The following NLGN1 variants were observed in gnomAD, a reference collection of about 807,000 sequenced individuals.
The protein encoded by NLGN1 is neuroligin-1.
A neutral mutation model predicts 65.5 loss-of-function variants in NLGN1; 12 were observed. The observed-to-expected ratio is 0.18, with a 90% confidence interval of 0.12 to 0.30. The LOEUF (loss-of-function observed/expected upper bound fraction) is 0.30, where lower values mean the gene tolerates loss of function less well. NLGN1 is among the 10% of genes least tolerant of loss of function. The pLI is 1.00. For synonymous variants in NLGN1, 350 were observed against 359.5 expected (o/e 0.97, Z 0.30); for missense variants, 750 against 1,007.1 (o/e 0.74, Z 3.46).
chr3:174,140,413 T>C (rs1722064539), intron 4 of NLGN1, among the ~76,000 whole-genome samples: 2 of 152,296 alleles, frequency 1.3e-5, no homozygotes, highest in Admixed American at 6.5e-5. Flanking sequence ...GTAATATTTA[T>C]TGAGCATATA....
At chr3:174,223,694 A>T (rs980391079) in intron 4 of NLGN1, among the ~76,000 whole-genome samples, 7 of 152,122 alleles carry the variant, frequency 4.6e-5, no homozygotes, top group African/African-American at 1.7e-4. Context: ...CTTTTTAATA[A>T]ATGTTTTTCA....
At chr3:174,281,840 G>A (rs527824285) in exon 7 of NLGN1, 1 of 153,082 alleles carries the variant, frequency 6.5e-6, no homozygotes, top group South Asian at 2.1e-4. Context: ...TTAAAGACTG[G>A]CAGGTACACC....
intron 4 of NLGN1, among the ~76,000 whole-genome samples, chr3:173,960,418 TG>T (rs1481045175): frequency 6.6e-6 from 1 of 152,046 alleles, no homozygotes; most frequent in Non-Finnish European, 1.5e-5. Flanking sequence ...GTGGAATTTT[TG>T]TTTCTCCTTT....
intron 4 of NLGN1, among the ~76,000 whole-genome samples, chr3:173,918,386 C>T (rs755410701): frequency 1.7e-4 from 26 of 151,948 alleles, no homozygotes; most frequent in Non-Finnish European, 3.1e-4. Flanking sequence ...CCTGTAATCC[C>T]AGCACTTTGG....
intron 4 of NLGN1, among the ~76,000 whole-genome samples, chr3:174,095,331 A>G (rs1181444802): frequency 6.6e-6 from 1 of 152,084 alleles, no homozygotes; most frequent in Non-Finnish European, 1.5e-5. Context: ...CAGGTAGCCA[A>G]TGAAAAGCAA....
chr3:173,913,918 G>T (rs1019824359), intron 4 of NLGN1, among the ~76,000 whole-genome samples: 1 of 152,110 alleles, frequency 6.6e-6, no homozygotes, highest in Non-Finnish European at 1.5e-5. Flanking sequence ...CATTATTAGG[G>T]TTCCCTACCC....
intron 3 of NLGN1, among the ~76,000 whole-genome samples, chr3:173,764,453 AC>A (rs1170961675): frequency 6.6e-6 from 1 of 152,184 alleles, no homozygotes; most frequent in East Asian, 1.9e-4. Flanking sequence ...ATCAAAAAGA[AC>A]AGAATGGTTG....
chr3:173,793,163 T>C (rs1478501475), intron 3 of NLGN1, among the ~76,000 whole-genome samples: 2 of 152,116 alleles, frequency 1.3e-5, no homozygotes, highest in Non-Finnish European at 2.9e-5. Context: ...ACCCATTGAA[T>C]ACAAAATGGA....
chr3:174,071,677 G>T (rs935854649), intron 4 of NLGN1, among the ~76,000 whole-genome samples: 3 of 147,686 alleles, frequency 2.0e-5, no homozygotes, highest in Non-Finnish European at 4.4e-5. Flanking sequence ...CTGCACTCCA[G>T]CCTGGATGAC....
At chr3:173,966,490 T>C (rs1326564973) in intron 4 of NLGN1, among the ~76,000 whole-genome samples, 1 of 152,244 alleles carries the variant, frequency 6.6e-6, no homozygotes, top group Non-Finnish European at 1.5e-5. Context: ...GAATTATTTG[T>C]GCCACCTATT....
chr3:173,786,988 A>T (rs1782077388), intron 3 of NLGN1, among the ~76,000 whole-genome samples: 2 of 152,022 alleles, frequency 1.3e-5, no homozygotes, highest in South Asian at 4.2e-4. Flanking sequence ...GAGGCAGGAG[A>T]ATCACTTGAA....
intron 4 of NLGN1, among the ~76,000 whole-genome samples, chr3:174,102,525 G>T (rs1287080142): frequency 6.6e-6 from 1 of 152,062 alleles, no homozygotes; most frequent in Non-Finnish European, 1.5e-5. Flanking sequence ...CTCTTTCCAA[G>T]TGTAATTGTT....
chr3:174,265,382 G>T (rs1184548254), intron 4 of NLGN1, among the ~76,000 whole-genome samples: 1 of 152,136 alleles, frequency 6.6e-6, no homozygotes, highest in African/African-American at 2.4e-5. Flanking sequence ...TAATCTTGTG[G>T]TGCGCCGTTT....
At chr3:174,052,158 A>G (rs1203284576) in intron 4 of NLGN1, among the ~76,000 whole-genome samples, 1 of 151,898 alleles carries the variant, frequency 6.6e-6, no homozygotes, top group South Asian at 2.1e-4. Context: ...GAACCATTTT[A>G]CTGAATGTGC....
chr3:173,926,535 C>T (rs1743034244), intron 4 of NLGN1, among the ~76,000 whole-genome samples: 1 of 152,186 alleles, frequency 6.6e-6, no homozygotes, highest in Non-Finnish European at 1.5e-5. Context: ...CCGGTGTATA[C>T]ATCCATGTAT....
At chr3:173,770,690 A>G (rs1287468776) in intron 3 of NLGN1, among the ~76,000 whole-genome samples, 2 of 152,174 alleles carry the variant, frequency 1.3e-5, no homozygotes, top group East Asian at 3.9e-4. Context: ...AGAAAATACA[A>G]TTTCAGATCA....
chr3:173,415,919 G>GTATA (rs1713651073), intron 1 of NLGN1, among the ~76,000 whole-genome samples: 2 of 125,204 alleles, frequency 1.6e-5, no homozygotes, highest in African/African-American at 6.6e-5. Context: ...AGAGAGAGAG[G>GTATA]GAGAGAGAGA....
chr3:173,775,823 C>G (rs1393202058), intron 3 of NLGN1, among the ~76,000 whole-genome samples: 1 of 151,954 alleles, frequency 6.6e-6, no homozygotes, highest in African/African-American at 2.4e-5. Flanking sequence ...AAAATATATC[C>G]CCATTACATT....
intron 1 of NLGN1, among the ~76,000 whole-genome samples, chr3:173,401,310 G>T (rs550206948): frequency 6.6e-6 from 1 of 151,058 alleles, no homozygotes; most frequent in East Asian, 2.0e-4. Context: ...AGGCTCAGAA[G>T]TTTTGCTCTG....
Sources: allele counts gnomAD v4.1 joint callset (sites outside exome capture counted in the v4.1 genomes callset), GRCh38; gene constraint gnomAD v4.1.1; transcripts MANE v1.5; gene names NCBI Gene and HGNC (gene_info 2026-07-23, HGNC 2026-07-21).